The following CLIC5 variants were observed in gnomAD, a reference collection of about 807,000 sequenced individuals.
CLIC5 encodes CLIC family member 5.
CLIC5 carries 20 observed loss-of-function variants against 24.7 expected under a neutral mutation model. The ratio of observed to expected loss-of-function variants is 0.81; its 90% confidence interval spans 0.57 to 1.18. The LOEUF (loss-of-function observed/expected upper bound fraction) is 1.18. Ranked by LOEUF, CLIC5 falls within the 50% of genes most tolerant of loss-of-function variation. The probability of loss-of-function intolerance (pLI) is 0.00; values close to 1 mark genes in which losing one functional copy is unlikely to be tolerated. For missense variants in CLIC5, 341 were observed against 326.1 expected (o/e 1.05, Z -0.35); for synonymous variants, 159 against 135.6 (o/e 1.17, Z -1.20).
At chr6:46,110,721 C>T in the CLIC5 span, among the ~76,000 whole-genome samples, 1 of 152,112 alleles carries the variant, frequency 6.6e-6, no homozygotes, top group East Asian at 1.9e-4. Flanking sequence ...AAGAATTTAC[C>T]CAATTCATGT....
intron 1 of CLIC5, among the ~76,000 whole-genome samples, chr6:46,053,675 C>T (rs1768166116): frequency 6.6e-6 from 1 of 152,198 alleles, no homozygotes; most frequent in Non-Finnish European, 1.5e-5. Context: ...TGCTTTATCA[C>T]AGTCTGTGCT....
At chr6:45,912,934 C>T (rs72871430) in intron 5 of CLIC5, among the ~76,000 whole-genome samples, 2,944 of 152,298 alleles carry the variant, frequency 0.019, 39 homozygotes, top group Admixed American at 0.034. Context: ...CTAAGGCATA[C>T]GGAAACACCA....
At chr6:45,949,459 C>T (rs930967145) in intron 2 of CLIC5, 78 bp from the exon 3 acceptor site, 2 of 1,485,114 alleles carry the variant, frequency 1.3e-6, no homozygotes, top group East Asian at 4.6e-5. Flanking sequence ...TTGATTGTAA[C>T]TTAGATGCCC....
At chr6:45,993,798 A>G (rs1480003514) in intron 1 of CLIC5, among the ~76,000 whole-genome samples, 1 of 152,244 alleles carries the variant, frequency 6.6e-6, no homozygotes, top group African/African-American at 2.4e-5. Flanking sequence ...GTGTACACTT[A>G]CTATGTGCCC....
intron 1 of CLIC5, among the ~76,000 whole-genome samples, chr6:46,004,888 T>C (rs1002229633): frequency 9.2e-5 from 14 of 152,304 alleles, no homozygotes; most frequent in African/African-American, 3.4e-4. Flanking sequence ...ATATGGCTCC[T>C]TTGGTTTCAG....
rs3997321 is a variant in CLIC5 at position 45,979,951 on chromosome 6, CTTTTTT to C, written c.64-24713_64-24708del. ...GCAATTGCTTTTGGAGACTTAGTCA[CTTTTTT>C]TTTTTTTTTTTTTGCCAAGGTTGAT... On this transcript the variant is annotated intron_variant, in intron 1 of 5. Coordinates refer to ENST00000339561, the MANE Select transcript of CLIC5 (RefSeq NM_016929.5). Among the ~76,000 whole-genome samples, 184 of 95,040 alleles carry C rather than the reference CTTTTTT, an allele frequency of 1.9e-3. 2 individuals carry two copies. The highest frequency in any genetic ancestry group is 6.0e-3 in the African/African-American group (145 of 24,340). 62.3% of individuals were successfully genotyped at this position (95,040 alleles called of 152,430 possible). A position where few individuals can be genotyped will look rare whatever the true frequency, so the allele number is the denominator to read the frequency against.
chr6:46,035,056 C>A (rs1032812245), intron 1 of CLIC5, among the ~76,000 whole-genome samples: 1 of 152,120 alleles, frequency 6.6e-6, no homozygotes, highest in East Asian at 1.9e-4. Context: ...AAAGTTTTAC[C>A]CATATTATCT....
chr6:45,915,168 T>A (rs1762979063), intron 4 of CLIC5, among the ~76,000 whole-genome samples: 1 of 151,924 alleles, frequency 6.6e-6, no homozygotes, highest in Non-Finnish European at 1.5e-5. Flanking sequence ...GACCTCATGA[T>A]CGGCCCGCCT....
chr6:45,934,302 T>C (rs896134527), intron 4 of CLIC5: 3 of 152,190 alleles, frequency 2.0e-5, no homozygotes, highest in African/African-American at 4.8e-5. Flanking sequence ...CCGTGCTTTA[T>C]GCATCCCTGG....
chr6:46,009,438 G>A (rs777922392), intron 1 of CLIC5, among the ~76,000 whole-genome samples: 1 of 152,128 alleles, frequency 6.6e-6, no homozygotes, highest in African/African-American at 2.4e-5. Context: ...AACACAAGCA[G>A]TGTTAGATTT....
chr6:45,899,857 T>C lies in CLIC5; in HGVS notation c.*3231A>G, dbSNP rs1762465254. 6.6e-6 allele frequency: 1 copy of C among 152,198 alleles called. No homozygotes were observed. Among genetic ancestry groups the C allele is most frequent in the African/African-American group, 2.4e-5 (1 of 41,442 alleles). 9.4% of individuals were successfully genotyped at this position (152,198 alleles called of 1,614,324 possible). A position where few individuals can be genotyped will look rare whatever the true frequency, so the allele number is the denominator to read the frequency against. ...GGGCCATTTCCCAAGATAAAACTAGTTTGGGATCGTGTGGCCAAATAAGCT... is the reference window on the plus strand; with the variant it reads ...GGGCCATTTCCCAAGATAAAACTAGCTTGGGATCGTGTGGCCAAATAAGCT... On this transcript the variant is annotated 3_prime_UTR_variant, in exon 6 of 6. Transcript: ENST00000339561.
the CLIC5 span, among the ~76,000 whole-genome samples, chr6:46,086,134 A>G: frequency 6.6e-6 from 1 of 152,110 alleles, no homozygotes; most frequent in Non-Finnish European, 1.5e-5. Flanking sequence ...CCGATTTTCC[A>G]GGTGCCATCT....
the CLIC5 span, among the ~76,000 whole-genome samples, chr6:46,106,501 T>A: frequency 6.6e-6 from 1 of 152,196 alleles, no homozygotes; most frequent in Non-Finnish European, 1.5e-5. Context: ...CTGCAATGCT[T>A]TTTTGGGGCC....
At chr6:45,992,644 T>C (rs533784275) in intron 1 of CLIC5, among the ~76,000 whole-genome samples, 1 of 152,290 alleles carries the variant, frequency 6.6e-6, no homozygotes, top group Admixed American at 6.5e-5. Context: ...GTATTTACAC[T>C]CCAGTATATC....
At chr6:46,041,560 A>G (rs1224170919) in intron 1 of CLIC5, among the ~76,000 whole-genome samples, 1 of 152,214 alleles carries the variant, frequency 6.6e-6, no homozygotes. Flanking sequence ...GAAGTTTCAA[A>G]AGAAAACAGG....
At chr6:45,934,638 G>C (rs1763865175) in intron 4 of CLIC5, among the ~76,000 whole-genome samples, 1 of 152,238 alleles carries the variant, frequency 6.6e-6, no homozygotes, top group Admixed American at 6.5e-5. Flanking sequence ...CTGCGCAAAA[G>C]GAGGTTGGAT....
intron 6 of CLIC5, among the ~76,000 whole-genome samples, chr6:45,883,141 A>T (rs534647445): frequency 6.6e-6 from 1 of 152,286 alleles, no homozygotes; most frequent in African/African-American, 2.4e-5. Context: ...CTTGTTTCAG[A>T]TCAGTGTCTT....
chr6:45,902,924 C>G lies in CLIC5; in HGVS notation c.*164G>C. On this transcript the variant is annotated 3_prime_UTR_variant, in exon 6 of 6. Coordinates refer to ENST00000339561, the MANE Select transcript of CLIC5 (RefSeq NM_016929.5). ...GTGAGGAGGCCAGGGATGGTGCTGA[C>G]CTTCATGAAAGATAGCAGGCTGGAG... The G allele has an allele frequency of 1.4e-5, 10 of 714,468 alleles. 1 individual carries two copies. The Admixed American group carries it at 2.4e-4, about 17-fold the overall frequency. 44.3% of individuals were successfully genotyped at this position (714,468 alleles called of 1,614,324 possible). A position where few individuals can be genotyped will look rare whatever the true frequency, so the allele number is the denominator to read the frequency against.
In CLIC5 at chr6:45,973,892, T is replaced by C. The variant is rs962581157; in HGVS notation, c.64-18648A>G. 8.7e-5 allele frequency among the ~76,000 whole-genome samples: 13 copies of C among 149,450 alleles called. 1 individual carries two copies. Among genetic ancestry groups the C allele is most frequent in the African/African-American group, 3.0e-4 (12 of 40,268 alleles). ...TTGCAGTGAGCCGAGATGGCGCCAC[T>C]GCACTCCAGCCTGGCAACAGAGCAA... is the stretch of plus-strand genomic sequence containing the variant. On this transcript the variant is annotated intron_variant, in intron 1 of 5. Transcript: ENST00000339561.
Sources: gnomAD v4.1 joint callset for allele counts (sites outside exome capture counted in the v4.1 genomes callset) on GRCh38, gnomAD v4.1.1 for gene constraint, MANE v1.5 for transcripts, NCBI Gene and HGNC (gene_info 2026-07-23, HGNC 2026-07-21) for gene names.